Variants in ZNF486 observed in about 807,000 individuals in gnomAD.
The protein encoded by ZNF486 is KRAB box only protein 2.
ZNF486 carries 12 observed loss-of-function variants against 12.8 expected under a neutral mutation model. That is an observed-to-expected ratio of 0.94 (90% confidence interval 0.60 to 1.52). ZNF486 has a LOEUF of 1.52. Ranked by LOEUF, ZNF486 falls within the 40% of genes most tolerant of loss-of-function variation. ZNF486 has a pLI of 0.00. For missense variants in ZNF486, 738 were observed against 545.0 expected (o/e 1.35, Z -3.53); for synonymous variants, 231 against 184.9 (o/e 1.25, Z -2.02).
intron 1 of ZNF486, among the ~76,000 whole-genome samples, chr19:20,167,709 C>G (rs1435883449): frequency 6.6e-6 from 1 of 152,074 alleles, no homozygotes; most frequent in Non-Finnish European, 1.5e-5. Context: ...TTCGGAAGAG[C>G]TTTGGTCCGT....
chr19:20,168,436 C>A (rs1421342434), intron 1 of ZNF486, among the ~76,000 whole-genome samples: 1 of 152,214 alleles, frequency 6.6e-6, no homozygotes, highest in Non-Finnish European at 1.5e-5. Flanking sequence ...AGGCGGATCA[C>A]CTGAGTTCGG....
In ZNF486 at chr19:20,167,342, C is replaced by A. The variant is rs781973097; in HGVS notation, c.12C>A (p.Pro4=). 2 of 1,613,894 alleles carry A rather than the reference C, an allele frequency of 1.2e-6. No individual in the cohort carries two copies. The highest frequency in any genetic ancestry group is 4.5e-5 in the East Asian group (2 of 44,880). MPG[P]LRSLEMESLQ... ...GATCCACAGCCAAGATGCCGGGACC[C>A]CTTAGAAGCCTAGAAATGGTGAGAG... is the stretch of plus-strand genomic sequence containing the variant. Residue 4 remains proline (P), a synonymous_variant, in exon 1 of 4, where the codon CCC becomes CCA. Transcript: ENST00000335117.
chr19:20,178,453 T>C (rs1555715137), intron 1 of ZNF486, among the ~76,000 whole-genome samples: 1 of 151,830 alleles, frequency 6.6e-6, no homozygotes, highest in East Asian at 1.9e-4. Flanking sequence ...CTGTGTTAGT[T>C]AGATGGTCTC....
intron 1 of ZNF486, among the ~76,000 whole-genome samples, chr19:20,172,091 A>C (rs1001925239): frequency 6.6e-6 from 1 of 151,878 alleles, no homozygotes; most frequent in Non-Finnish European, 1.5e-5. Flanking sequence ...CACAACCTCA[A>C]CTTCCTGGTT....
chr19:20,181,678 A>T (rs1345386215), intron 1 of ZNF486, among the ~76,000 whole-genome samples: 1 of 152,128 alleles, frequency 6.6e-6, no homozygotes, highest in Non-Finnish European at 1.5e-5. Flanking sequence ...TAGTTGCTCC[A>T]CAAGTCACAG....
chr19:20,197,584 C>G lies in ZNF486; in HGVS notation c.874C>G (p.Gln292Glu), dbSNP rs782712711. 2 of 1,611,054 alleles carry G rather than the reference C, an allele frequency of 1.2e-6. No individual in the cohort carries two copies. The highest frequency in any genetic ancestry group is 1.7e-6 in the Non-Finnish European group (2 of 1,179,128). ...TTHKIIHTGE[Q>E]PYKCKECDKA... Reference sequence around the variant, plus strand: ...ACATAAGATAATCCATACTGGAGAGCAACCCTACAAATGTAAAGAATGTGA... The same window carrying G: ...ACATAAGATAATCCATACTGGAGAGGAACCCTACAAATGTAAAGAATGTGA... Residue 292 changes from glutamine (Q) to glutamate (E), a missense_variant, in exon 4 of 4, where the codon CAA becomes GAA. Coordinates refer to ENST00000335117, the MANE Select transcript of ZNF486 (RefSeq NM_052852.4).
rs2090002047 is a variant in ZNF486 at position 20,200,423 on chromosome 19, TAAAC to T, written c.*2322_*2325del. On this transcript the variant is annotated 3_prime_UTR_variant, in exon 4 of 4. Transcript: ENST00000335117. ...GAAATAATTATTGATAAAAGTATAT[TAAAC>T]TAAATTCGTATATTTTACTTATTGT... The T allele has an allele frequency of 6.6e-6, 1 of 152,168 alleles. No individual in the cohort carries two copies. The highest frequency in any genetic ancestry group is 1.5e-5 in the Non-Finnish European group (1 of 68,026). 9.4% of individuals were successfully genotyped at this position (152,168 alleles called of 1,614,324 possible).
intron 3 of ZNF486, among the ~76,000 whole-genome samples, chr19:20,195,939 AAG>A (rs1433061469): frequency 3.9e-5 from 6 of 152,246 alleles, no homozygotes; most frequent in African/African-American, 1.2e-4. Flanking sequence ...GTGTCTAAAA[AAG>A]CCCCTAGAAG....
Position 20,199,447 on chromosome 19 carries a change from G to T in ZNF486, c.*1345G>T, listed in dbSNP as rs880002780. 1 of 152,124 alleles carries T rather than the reference G, an allele frequency of 6.6e-6. No individual in the cohort carries two copies. Among genetic ancestry groups the T allele is most frequent in the Non-Finnish European group, 1.5e-5 (1 of 68,022 alleles). 9.4% of individuals were successfully genotyped at this position (152,124 alleles called of 1,614,324 possible). ...GAAACACTTCTTAGATAAATTATTT[G>T]TGGCTGGGCACAGTGGCTCATGCCT... On this transcript the variant is annotated 3_prime_UTR_variant, in exon 4 of 4. Transcript: ENST00000335117.
intron 3 of ZNF486, among the ~76,000 whole-genome samples, chr19:20,187,704 C>T (rs779129331): frequency 1.3e-5 from 2 of 151,880 alleles, no homozygotes; most frequent in African/African-American, 4.8e-5. Context: ...AGGGTTTCAC[C>T]GTGTTAGCCA....
At chr19:20,174,877 A>C (rs900500859) in intron 1 of ZNF486, 19 of 152,212 alleles carry the variant, frequency 1.2e-4, no homozygotes, top group Admixed American at 1.1e-3. Context: ...ATTTCATTAA[A>C]TTGGTATGCT....
intron 3 of ZNF486, among the ~76,000 whole-genome samples, chr19:20,192,422 C>A: frequency 6.6e-6 from 1 of 152,054 alleles, no homozygotes; most frequent in Non-Finnish European, 1.5e-5. Flanking sequence ...TCTTCTTTGT[C>A]AGCCTCCCAA....
Position 20,197,821 on chromosome 19 carries a change from A to G in ZNF486, c.1111A>G (p.Ile371Val), listed in dbSNP as rs1016239685. The G allele has an allele frequency of 8.1e-6, 13 of 1,613,864 alleles. No individual in the cohort carries two copies. Among genetic ancestry groups the G allele is most frequent in the Non-Finnish European group, 1.1e-5 (13 of 1,179,976 alleles). ...RSSHLTMHKI[I>V]HTGEKPYKCE... The stretch of plus-strand genomic sequence containing the variant: ...CTCACACCTTACTATGCATAAGATA[A>G]TTCATACTGGAGAGAAACCATACAA... Residue 371 changes from isoleucine (I) to valine (V), a missense_variant, in exon 4 of 4, where the codon ATT becomes GTT. Coordinates refer to ENST00000335117, the MANE Select transcript of ZNF486 (RefSeq NM_052852.4).
chr19:20,185,853 G>A, intron 2 of ZNF486, 134 bp from the exon 3 acceptor site: 1 of 423,308 alleles, frequency 2.4e-6, no homozygotes, highest in Non-Finnish European at 3.9e-6. Flanking sequence ...TAAATATTTA[G>A]AAATTTGTTA....
chr19:20,186,032 G>C lies in ZNF486; in HGVS notation c.203G>C (p.Gly68Ala), dbSNP rs544708265. Residue 68 changes from glycine to alanine, a missense_variant, in exon 3 of 4, where the codon GGA (glycine) becomes GCA (alanine). Gly to Ala is a moderately conservative substitution (Grantham distance 60, BLOSUM62 0). Transcript: ENST00000335117. The part of the protein sequence containing the change: ...KPDLITCLEQ[G>A]IKPLTMKRHE... ...GACCTGATCACCTGTCTGGAGCAAG[G>C]AATAAAACCTCTGACTATGAAGAGA... The C allele has an allele frequency of 3.6e-5, 57 of 1,591,764 alleles. No homozygotes were observed. Among genetic ancestry groups the C allele is most frequent in the Non-Finnish European group, 4.8e-5 (56 of 1,171,352 alleles).
chr19:20,168,800 C>T (rs112889211), intron 1 of ZNF486, among the ~76,000 whole-genome samples: 1 of 152,136 alleles, frequency 6.6e-6, no homozygotes, highest in South Asian at 2.1e-4. Context: ...CCTAGTAATT[C>T]CAAGCTAAGG....
chr19:20,169,561 A>C (rs192641262), intron 1 of ZNF486, among the ~76,000 whole-genome samples: 1 of 152,320 alleles, frequency 6.6e-6, no homozygotes, highest in Admixed American at 6.5e-5. Context: ...GTTAAGATTA[A>C]GGTGAAAGGA....
chr19:20,172,311 C>CTTT (rs34515323), intron 1 of ZNF486, among the ~76,000 whole-genome samples: 7 of 148,248 alleles, frequency 4.7e-5, no homozygotes, highest in African/African-American at 1.7e-4. Context: ...CTTTTGCCTA[C>CTTT]TTTTTTTTTT....
At chr19:20,175,513 A>G (rs1199982248) in intron 1 of ZNF486, among the ~76,000 whole-genome samples, 3 of 150,926 alleles carry the variant, frequency 2.0e-5, no homozygotes, top group Non-Finnish European at 4.4e-5. Flanking sequence ...GGTACTTGAG[A>G]TTAGGGAGTG....
Sources: allele counts gnomAD v4.1 joint callset (sites outside exome capture counted in the v4.1 genomes callset), GRCh38; gene constraint gnomAD v4.1.1; transcripts MANE v1.5; gene names NCBI Gene and HGNC (gene_info 2026-07-23, HGNC 2026-07-21).